DNAH14: variants seen among roughly 807,000 people sequenced by gnomAD.
The protein encoded by DNAH14 is axonemal beta dynein heavy chain 14.
DNAH14 carries 478 observed loss-of-function variants against 520.9 expected under a neutral mutation model. That is an observed-to-expected ratio of 0.92 (90% CI 0.85 to 0.99). The LOEUF (loss-of-function observed/expected upper bound fraction) is 0.99, where lower values mean the gene tolerates loss of function less well. DNAH14 is among the 50% of genes least tolerant of loss of function. The pLI, the probability that DNAH14 is intolerant of heterozygous loss-of-function variation, is 0.00. For missense variants in DNAH14, 4,831 were observed against 5,234.5 expected, an observed-to-expected ratio of 0.92 and a Z score of 2.38; for synonymous variants, 1,581 against 1,757.2, an observed-to-expected ratio of 0.90 and a Z score of 2.51.
intron 56 of DNAH14, among the ~76,000 whole-genome samples, 170 bp from the exon 57 acceptor site, chr1:225,302,986 T>G (rs938740504): frequency 6.6e-6 from 1 of 152,122 alleles, no homozygotes; most frequent in African/African-American, 2.4e-5. Flanking sequence ...TACTGTTAGT[T>G]TCCCTTGGAA....
At position 225,192,764 on chromosome 1, in the gene DNAH14, A is replaced by C; in HGVS notation, c.5739A>C (p.Leu1913=). The change falls in exon 38 of 86, where the codon CTA becomes CTC. Residue 1913 remains leucine (L), a synonymous_variant. Transcript: ENST00000682510. ...CAAAGTGTGTCACTCTCAGTGAACT[A>C]TATGGACAACTGGATCCTAATACTA... The part of the protein sequence containing the change: ...LNPKCVTLSE[L]YGQLDPNTME... The C allele has an allele frequency of 6.5e-7, 1 of 1,550,272 alleles. No homozygotes were observed. Among genetic ancestry groups the C allele is most frequent in the Non-Finnish European group, 8.7e-7 (1 of 1,146,076 alleles).
chr1:225,241,173 C>CT (rs910244584), intron 43 of DNAH14, among the ~76,000 whole-genome samples: 4 of 144,902 alleles, frequency 2.8e-5, no homozygotes, highest in African/African-American at 5.1e-5. Context: ...TCTTATATTT[C>CT]TTTTTTTTAA....
chr1:225,104,297 T>C (rs1053967604), intron 23 of DNAH14, among the ~76,000 whole-genome samples: 15 of 152,224 alleles, frequency 9.9e-5, no homozygotes, highest in African/African-American at 3.4e-4. Context: ...CAGTATTTTA[T>C]TGAGGATTTT....
intron 27 of DNAH14, among the ~76,000 whole-genome samples, chr1:225,139,397 T>C (rs765897061): frequency 7.2e-5 from 11 of 152,234 alleles, no homozygotes; most frequent in Admixed American, 2.0e-4. Context: ...AATCATTGAA[T>C]GTTCTTTTGC....
chr1:225,090,846 C>G (rs1277253997), intron 21 of DNAH14, among the ~76,000 whole-genome samples: 6 of 152,096 alleles, frequency 3.9e-5, no homozygotes, highest in African/African-American at 9.7e-5. Context: ...ACCAAAAGCA[C>G]TATCCATAGA....
chr1:225,095,437 G>T (rs760228572), intron 21 of DNAH14, among the ~76,000 whole-genome samples: 5 of 152,104 alleles, frequency 3.3e-5, no homozygotes, highest in African/African-American at 7.2e-5. Context: ...TCATAAATGG[G>T]AGCTAAACAT....
At chr1:224,940,882 T>C (rs1194470120) in intron 1 of DNAH14, among the ~76,000 whole-genome samples, 5 of 152,192 alleles carry the variant, frequency 3.3e-5, no homozygotes, top group African/African-American at 9.7e-5. Context: ...TATTCCATGG[T>C]GTATATGTGC....
At chr1:225,065,904 G>A (rs1432821848) in intron 17 of DNAH14, among the ~76,000 whole-genome samples, 1 of 152,020 alleles carries the variant, frequency 6.6e-6, no homozygotes, top group African/African-American at 2.4e-5. Flanking sequence ...GGATCATGTG[G>A]TAATTCTATT....
At chr1:225,368,526 T>TAGAAC (rs2095580254) in intron 77 of DNAH14, among the ~76,000 whole-genome samples, 1 of 152,202 alleles carries the variant, frequency 6.6e-6, no homozygotes, top group Non-Finnish European at 1.5e-5. Flanking sequence ...CCTTTACTAT[T>TAGAAC]CTCTATATAG....
chr1:225,068,009 T>C (rs909708442), intron 17 of DNAH14, among the ~76,000 whole-genome samples: 14 of 152,324 alleles, frequency 9.2e-5, no homozygotes, highest in Admixed American at 2.6e-4. Context: ...ATCTTCATCA[T>C]GAAATCTTTG....
Position 225,340,707 on chromosome 1 carries a change from TC to T in DNAH14, c.10678+7del, listed in dbSNP as rs1222738307. On this transcript the variant is annotated splice_region_variant and intron_variant, in intron 69 of 85. Coordinates refer to ENST00000682510, the MANE Select transcript of DNAH14 (RefSeq NM_001367479.1). ...TTTACTGCAGAAAGCACTAGGTAAG[TC>T]AAGATATTTAGTGATAGTAAGAGAT... 1 of 1,550,096 alleles carries T rather than the reference TC, an allele frequency of 6.5e-7. No individual in the cohort carries two copies. Among genetic ancestry groups the T allele is most frequent in the Non-Finnish European group, 8.7e-7 (1 of 1,146,154 alleles).
chr1:225,264,142 T>C (rs2093033328), intron 46 of DNAH14, 55 bp from the exon 47 acceptor site: 4 of 1,387,190 alleles, frequency 2.9e-6, no homozygotes, highest in Non-Finnish European at 4.0e-6. Context: ...TGTTGTTTAA[T>C]ATACCTATTA....
At chr1:225,097,624 A>G (rs2075105621) in intron 22 of DNAH14, among the ~76,000 whole-genome samples, 1 of 152,028 alleles carries the variant, frequency 6.6e-6, no homozygotes, top group South Asian at 2.1e-4. Flanking sequence ...ACATACAAAA[A>G]TAAGGTGGGC....
At chr1:225,187,591 A>T (rs1223082634) in intron 37 of DNAH14, among the ~76,000 whole-genome samples, 1 of 151,870 alleles carries the variant, frequency 6.6e-6, no homozygotes, top group East Asian at 1.9e-4. Flanking sequence ...TAACTACATT[A>T]TTTTAAATTG....
chr1:225,166,389 T>C (rs2082050930), intron 35 of DNAH14, among the ~76,000 whole-genome samples: 1 of 152,236 alleles, frequency 6.6e-6, no homozygotes, highest in Non-Finnish European at 1.5e-5. Context: ...CTATGCCAGC[T>C]GTCAACTGTT....
intron 35 of DNAH14, among the ~76,000 whole-genome samples, chr1:225,166,565 G>T (rs2082064969): frequency 6.6e-6 from 1 of 152,166 alleles, no homozygotes; most frequent in Admixed American, 6.5e-5. Flanking sequence ...CCAGCCATGT[G>T]TAACATACCC....
chr1:225,135,663 A>G (rs1250968791), intron 27 of DNAH14, among the ~76,000 whole-genome samples: 3 of 152,058 alleles, frequency 2.0e-5, no homozygotes, highest in African/African-American at 4.8e-5. Flanking sequence ...AAAGAGTTCT[A>G]TATATGTCTA....
At chr1:225,363,985 C>T (rs766501046) in intron 75 of DNAH14, among the ~76,000 whole-genome samples, 3 of 152,098 alleles carry the variant, frequency 2.0e-5, no homozygotes, top group Non-Finnish European at 4.4e-5. Context: ...GGATGTGGAA[C>T]CTATGGATAT....
chr1:225,358,287 G>A (rs902005487), intron 73 of DNAH14, among the ~76,000 whole-genome samples: 3 of 152,160 alleles, frequency 2.0e-5, no homozygotes, highest in African/African-American at 7.2e-5. Flanking sequence ...GGTAGCGCTG[G>A]TATCTAAGAA....
Sources: allele counts gnomAD v4.1 joint callset (sites outside exome capture counted in the v4.1 genomes callset), GRCh38; gene constraint gnomAD v4.1.1; transcripts MANE v1.5; gene names NCBI Gene and HGNC (gene_info 2026-07-23, HGNC 2026-07-21).